The following DYTN variants were observed in gnomAD, a reference collection of about 807,000 sequenced individuals.
DYTN encodes dystrotelin.
In DYTN, 75 loss-of-function variants were observed where a neutral mutation model predicts 69.6. The observed-to-expected ratio is 1.08, with a 90% CI of 0.89 to 1.31. The LOEUF (loss-of-function observed/expected upper bound fraction) is 1.31, where lower values mean the gene tolerates loss of function less well. Ranked by LOEUF, DYTN falls within the 50% of genes most tolerant of loss-of-function variation. The pLI is 0.00. For synonymous variants in DYTN, 252 were observed against 249.1 expected, an observed-to-expected ratio of 1.01 and a Z score of -0.11; for missense variants, 726 against 688.4, an observed-to-expected ratio of 1.05 and a Z score of -0.61.
At chr2:206,664,738 A>G (rs1699551588) in intron 10 of DYTN, among the ~76,000 whole-genome samples, 1 of 152,202 alleles carries the variant, frequency 6.6e-6, no homozygotes, top group African/African-American at 2.4e-5. Flanking sequence ...TCCTACCACT[A>G]TGAGCTTGAT....
At chr2:206,661,853 A>G (rs1211545817) in intron 11 of DYTN, among the ~76,000 whole-genome samples, 1 of 152,222 alleles carries the variant, frequency 6.6e-6, no homozygotes, top group Non-Finnish European at 1.5e-5. Flanking sequence ...TCAAGAATCA[A>G]CTGTGTATGT....
intron 9 of DYTN, among the ~76,000 whole-genome samples, chr2:206,689,735 C>T (rs919044938): frequency 6.6e-6 from 1 of 152,164 alleles, no homozygotes; most frequent in South Asian, 2.1e-4. Flanking sequence ...TGTCTCTGTT[C>T]CAGATTCAGT....
chr2:206,662,823 G>A, intron 11 of DYTN, 80 bp downstream of exon 11: 1 of 1,527,976 alleles, frequency 6.5e-7, no homozygotes. Context: ...GGAGCTGTTG[G>A]GCTGTTATAA....
chr2:206,715,477 T>C (rs574986622), intron 1 of DYTN, among the ~76,000 whole-genome samples: 85 of 152,172 alleles, frequency 5.6e-4, no homozygotes, highest in African/African-American at 2.0e-3. Flanking sequence ...GTGTGGGAGA[T>C]AATTGTGTCT....
chr2:206,675,554 A>G (rs1206816695), intron 9 of DYTN, among the ~76,000 whole-genome samples: 4 of 152,044 alleles, frequency 2.6e-5, no homozygotes, highest in Non-Finnish European at 4.4e-5. Flanking sequence ...ACAGGAAATC[A>G]GCTATGTATA....
At chr2:206,688,859 T>C (rs944019349) in intron 9 of DYTN, among the ~76,000 whole-genome samples, 65 of 152,260 alleles carry the variant, frequency 4.3e-4, no homozygotes, top group Non-Finnish European at 4.4e-5. Context: ...CTTTTAAAAA[T>C]AATTTTTACA....
chr2:206,667,836 T>A (rs1273391240), intron 9 of DYTN, among the ~76,000 whole-genome samples: 2 of 152,176 alleles, frequency 1.3e-5, no homozygotes, highest in Non-Finnish European at 2.9e-5. Context: ...GCTGTTAGCA[T>A]ATTTGTGGAA....
chr2:206,712,175 A>G (rs1206290381), intron 1 of DYTN, among the ~76,000 whole-genome samples: 4 of 152,166 alleles, frequency 2.6e-5, no homozygotes. Flanking sequence ...GAGAAAAACA[A>G]TTTCTAACAA....
Position 206,710,184 on chromosome 2 carries a change from A to C in DYTN, c.94+340T>G, listed in dbSNP as rs193022407. Reference sequence around the variant, plus strand: ...AATCTATAAGTGCAGTTTTGAAAATACTTTTTTTTTGCAATTTTATTTTGT... The same window carrying C: ...AATCTATAAGTGCAGTTTTGAAAATCCTTTTTTTTTGCAATTTTATTTTGT... On this transcript the variant is annotated intron_variant, in intron 2 of 11. Transcript: ENST00000452335. Among the ~76,000 whole-genome samples the C allele has an allele frequency of 1.4e-3, 215 of 152,312 alleles. 1 individual carries two copies. Among genetic ancestry groups the C allele is most frequent in the African/African-American group, 5.0e-3 (207 of 41,572 alleles).
At chr2:206,669,094 G>C (rs180992402) in intron 9 of DYTN, among the ~76,000 whole-genome samples, 1 of 152,214 alleles carries the variant, frequency 6.6e-6, no homozygotes, top group Admixed American at 6.6e-5. Flanking sequence ...CTAGCACAGT[G>C]TAGACTAATA....
chr2:206,713,468 G>A (rs924858117), intron 1 of DYTN, among the ~76,000 whole-genome samples: 1 of 152,194 alleles, frequency 6.6e-6, no homozygotes, highest in Non-Finnish European at 1.5e-5. Flanking sequence ...GAAGGAATTA[G>A]CTTTGGTAAG....
chr2:206,708,045 G>A (rs956235034), intron 2 of DYTN, among the ~76,000 whole-genome samples: 1 of 152,132 alleles, frequency 6.6e-6, no homozygotes, highest in Non-Finnish European at 1.5e-5. Context: ...AGATCTTTAG[G>A]CTAAAGAGTC....
chr2:206,709,637 A>G (rs908767780), intron 2 of DYTN, among the ~76,000 whole-genome samples: 2 of 152,168 alleles, frequency 1.3e-5, no homozygotes, highest in Non-Finnish European at 2.9e-5. Flanking sequence ...GTGAAGCCCA[A>G]TTTGAAAACC....
chr2:206,690,600 T>C (rs1189760625), intron 9 of DYTN, among the ~76,000 whole-genome samples: 1 of 152,160 alleles, frequency 6.6e-6, no homozygotes. Context: ...ATAATGAGAC[T>C]CACTCGGAGT....
At chr2:206,680,691 G>C (rs1699742101) in intron 9 of DYTN, among the ~76,000 whole-genome samples, 1 of 152,034 alleles carries the variant, frequency 6.6e-6, no homozygotes, top group African/African-American at 2.4e-5. Context: ...TGTACTCCAA[G>C]GGCCAAATCT....
chr2:206,701,173 C>T (rs1276018985), intron 5 of DYTN: 2 of 152,184 alleles, frequency 1.3e-5, no homozygotes, highest in Non-Finnish European at 2.9e-5. Flanking sequence ...AACTCACTAC[C>T]TTTGGACAAG....
intron 1 of DYTN, among the ~76,000 whole-genome samples, chr2:206,717,079 A>ACACACACACACACAAC (rs1194032966): frequency 1.5e-5 from 2 of 137,254 alleles, no homozygotes; most frequent in Non-Finnish European, 3.1e-5. Flanking sequence ...CACACACACA[A>ACACACACACACACAAC]AACAAACTCA....
Position 206,693,036 on chromosome 2 carries a change from T to C in DYTN, c.980+139A>G, listed in dbSNP as rs113726762. The C allele has an allele frequency of 2.1e-3, 2,712 of 1,265,648 alleles. 48 individuals carry two copies. In the African/African-American group the frequency reaches 0.038, roughly 18 times the overall value. The allele number at this position is 1,265,648 out of a possible 1,614,324, so 78.4% of individuals were successfully genotyped here. ...AAAGGCCCTTTTTAGAGGAAAAAAA[T>C]ATCTGAAGTCCAACCCTCACCCCTC... On this transcript the variant is annotated intron_variant, in intron 9 of 11. Coordinates refer to ENST00000452335, the MANE Select transcript of DYTN (RefSeq NM_001093730.1).
chr2:206,696,633 T>C (rs1699922499), intron 7 of DYTN, among the ~76,000 whole-genome samples: 1 of 152,212 alleles, frequency 6.6e-6, no homozygotes, highest in African/African-American at 2.4e-5. Context: ...AGAGTTTAAG[T>C]AACTTGCACA....
Sources: gnomAD v4.1 joint callset for allele counts (sites outside exome capture counted in the v4.1 genomes callset) on GRCh38, gnomAD v4.1.1 for gene constraint, MANE v1.5 for transcripts, NCBI Gene and HGNC (gene_info 2026-07-23, HGNC 2026-07-21) for gene names.